The following MRC1 variants were observed in gnomAD, a reference collection of about 807,000 sequenced individuals.
The protein encoded by MRC1 is mannose receptor C-type 1.
Under a neutral mutation model 102.9 loss-of-function variants are expected in MRC1, and 62 were observed. The observed-to-expected ratio is 0.60, with a 90% confidence interval of 0.49 to 0.74. The LOEUF is 0.74. Ranked by LOEUF, MRC1 falls within the 30% of genes least tolerant of loss-of-function variation. The pLI is 0.00. For missense variants in MRC1, 1,237 were observed against 862.8 expected, an observed-to-expected ratio of 1.43 and a Z score of -5.43; for synonymous variants, 457 against 298.4, an observed-to-expected ratio of 1.53 and a Z score of -5.48.
chr10:17,855,425 G>A (rs1173996913), intron 8 of MRC1, among the ~76,000 whole-genome samples: 1 of 151,890 alleles, frequency 6.6e-6, no homozygotes, highest in East Asian at 1.9e-4. Flanking sequence ...TAAAAAATTA[G>A]CAGGGCGTGG....
intron 23 of MRC1, 82 bp downstream of exon 23, chr10:17,894,394 C>CTTTTTTTTTTTTTTTTTTTT (rs34625338): frequency 4.9e-5 from 20 of 406,282 alleles, no homozygotes; most frequent in African/African-American, 1.4e-4. Flanking sequence ...TTCTTTCTTT[C>CTTTTTTTTTTTTTTTTTTTT]TTTTTTTTTT....
chr10:17,828,364 C>T (rs1002922243), intron 3 of MRC1, among the ~76,000 whole-genome samples: 3,262 of 151,568 alleles, frequency 0.022, 185 homozygotes, highest in African/African-American at 0.052. Context: ...CATGAGCCGG[C>T]GCGCCCGACT....
intron 8 of MRC1, among the ~76,000 whole-genome samples, chr10:17,855,436 TG>T (rs1833072598): frequency 6.6e-6 from 1 of 151,698 alleles, no homozygotes; most frequent in Admixed American, 6.6e-5. Context: ...CAGGGCGTGG[TG>T]GCAGGCGCCT....
chr10:17,889,852 T>C (rs1833649361), intron 22 of MRC1, among the ~76,000 whole-genome samples: 2 of 152,248 alleles, frequency 1.3e-5, no homozygotes, highest in African/African-American at 4.8e-5. Flanking sequence ...GACCGGTATC[T>C]GTTAGATGAA....
At chr10:17,831,395 G>A (rs1281538509) in intron 3 of MRC1, among the ~76,000 whole-genome samples, 1 of 151,322 alleles carries the variant, frequency 6.6e-6, no homozygotes, top group Non-Finnish European at 1.5e-5. Flanking sequence ...AGCATATAAT[G>A]ATTTTGTAGT....
chr10:17,812,946 C>G (rs1330868189), intron 1 of MRC1, among the ~76,000 whole-genome samples: 1 of 152,048 alleles, frequency 6.6e-6, no homozygotes, highest in African/African-American at 2.4e-5. Flanking sequence ...GGAAGGCGCT[C>G]AAACAGTGGG....
intron 2 of MRC1, among the ~76,000 whole-genome samples, chr10:17,826,664 G>T (rs1457727779): frequency 6.6e-6 from 1 of 152,196 alleles, no homozygotes; most frequent in African/African-American, 2.4e-5. Flanking sequence ...TGCATTGTTT[G>T]GTTCTTAGTG....
chr10:17,861,780 A>C (rs1833187841), intron 10 of MRC1, among the ~76,000 whole-genome samples: 1 of 152,230 alleles, frequency 6.6e-6, no homozygotes, highest in Non-Finnish European at 1.5e-5. Flanking sequence ...TTAATGATCC[A>C]TTCGACGTTG....
intron 15 of MRC1, among the ~76,000 whole-genome samples, chr10:17,873,487 C>A (rs1416136347): frequency 6.8e-6 from 1 of 146,828 alleles, no homozygotes. Context: ...GATTCTAAAA[C>A]TCATGATCTT....
At chr10:17,863,455 T>G in intron 10 of MRC1, 79 bp from the exon 11 acceptor site, 1 of 777,048 alleles carries the variant, frequency 1.3e-6, no homozygotes, top group Non-Finnish European at 2.4e-6. Flanking sequence ...AGGACTGAGA[T>G]AGTTTCCACG....
chr10:17,877,241 A>G (rs1833449153), intron 17 of MRC1, among the ~76,000 whole-genome samples: 1 of 148,326 alleles, frequency 6.7e-6, no homozygotes, highest in Non-Finnish European at 1.5e-5. Context: ...GATATAAATT[A>G]TAATATATAT....
At chr10:17,851,492 C>T (rs1428211352) in intron 7 of MRC1, among the ~76,000 whole-genome samples, 2 of 152,114 alleles carry the variant, frequency 1.3e-5, no homozygotes, top group African/African-American at 4.8e-5. Flanking sequence ...ATGAATACAA[C>T]TTCCCCAACT....
intron 22 of MRC1, among the ~76,000 whole-genome samples, chr10:17,886,290 T>C (rs1014997093): frequency 3.3e-5 from 5 of 149,556 alleles, no homozygotes; most frequent in African/African-American, 4.9e-5. Flanking sequence ...TTTTCTTCCT[T>C]CCTTCCTTCC....
Position 17,907,594 on chromosome 10 carries a change from C to T in MRC1, c.3974C>T (p.Pro1325Leu). The T allele has an allele frequency of 2.6e-6, 2 of 780,834 alleles. No homozygotes were observed. Among genetic ancestry groups the T allele is most frequent in the Non-Finnish European group, 4.8e-6 (2 of 417,962 alleles). 48.4% of individuals were successfully genotyped at this position (780,834 alleles called of 1,614,324 possible). The change falls in exon 28 of 30, where the codon CCC (proline) becomes CTC (leucine). Residue 1325 changes from proline (P) to leucine (L), a missense_variant. Coordinates refer to ENST00000569591, the MANE Select transcript of MRC1 (RefSeq NM_002438.4). ...VSFVNWNTGD[P>L]SGERNDCVAL... ...TTTGTCAACTGGAACACAGGAGATC[C>T]CTCTGGTGAACGGAATGATTGTGTA...
chr10:17,897,616 G>A (rs1243747496), intron 23 of MRC1, among the ~76,000 whole-genome samples: 10 of 152,114 alleles, frequency 6.6e-5, no homozygotes, highest in Non-Finnish European at 1.5e-4. Flanking sequence ...AAATGAGGGA[G>A]GAAGAGAAAG....
intron 1 of MRC1, among the ~76,000 whole-genome samples, chr10:17,811,573 G>C (rs987986691): frequency 7.3e-5 from 11 of 151,546 alleles, no homozygotes; most frequent in African/African-American, 2.4e-4. Flanking sequence ...GTGTTGTTTT[G>C]TTTTTTGAGA....
chr10:17,881,273 G>T, intron 21 of MRC1, 92 bp downstream of exon 21: 1 of 732,348 alleles, frequency 1.4e-6, no homozygotes, highest in South Asian at 1.5e-5. Context: ...CTGACTTTTT[G>T]GTTTTCCAGT....
chr10:17,830,278 C>G (rs996292002), intron 3 of MRC1, among the ~76,000 whole-genome samples: 17 of 151,090 alleles, frequency 1.1e-4, no homozygotes, highest in Non-Finnish European at 2.4e-4. Flanking sequence ...ATTACAGGCA[C>G]CCACCATCAC....
chr10:17,831,545 C>T (rs1024779900), intron 3 of MRC1, among the ~76,000 whole-genome samples: 3 of 151,278 alleles, frequency 2.0e-5, no homozygotes, highest in Admixed American at 1.3e-4. Flanking sequence ...TGATCGCTTC[C>T]TCATCAGATA....
Sources: gnomAD v4.1 joint callset for allele counts (sites outside exome capture counted in the v4.1 genomes callset) on GRCh38, gnomAD v4.1.1 for gene constraint, MANE v1.5 for transcripts, NCBI Gene and HGNC (gene_info 2026-07-23, HGNC 2026-07-21) for gene names.